MYLIP: variants seen among roughly 807,000 people sequenced by gnomAD.
The protein encoded by MYLIP is myosin regulatory light chain interacting protein.
MYLIP carries 26 observed loss-of-function variants against 45.8 expected under a neutral mutation model. The ratio of observed to expected loss-of-function variants is 0.57; its 90% CI spans 0.42 to 0.79. The LOEUF (loss-of-function observed/expected upper bound fraction) is 0.79. Among genes scored for constraint, MYLIP ranks in the 30% least tolerant of loss-of-function variants. The probability of loss-of-function intolerance (pLI) is 0.00; values close to 1 mark genes in which losing one functional copy is unlikely to be tolerated. For missense variants in MYLIP, 494 were observed against 555.6 expected (o/e 0.89, Z 1.11); for synonymous variants, 213 against 218.1 (o/e 0.98, Z 0.21).
At chr6:16,131,177 T>C (rs1050421719) in intron 2 of MYLIP, among the ~76,000 whole-genome samples, 1 of 152,202 alleles carries the variant, frequency 6.6e-6, no homozygotes, top group Non-Finnish European at 1.5e-5. Context: ...ACAGTTCCTC[T>C]TGGGTTACTT....
chr6:16,163,769 A>G, the MYLIP span: 1 of 152,154 alleles, frequency 6.6e-6, no homozygotes. Context: ...TGTCCATTGA[A>G]AGTTATGTTT....
At chr6:16,157,683 A>G in the MYLIP span, among the ~76,000 whole-genome samples, 1 of 152,234 alleles carries the variant, frequency 6.6e-6, no homozygotes, top group African/African-American at 2.4e-5. Context: ...GGGTTTGGCT[A>G]TGTACATCTC....
rs149696224 is a variant in MYLIP, at chr6:16,130,620, G to A, written c.151G>A (p.Gly51Ser). 4.5e-4 allele frequency: 723 copies of A among 1,614,202 alleles called. 6 individuals carry two copies. In the South Asian group the frequency reaches 5.4e-3, roughly 12 times the overall value. ...YFGLQFTGSKGESLWLNLRNR... is the reference protein window; with the variant it reads ...YFGLQFTGSKSESLWLNLRNR... ...TGGACTGCAGTTTACGGGTAGCAAAGGTGAAAGTTTATGGCTAAACCTGAG... is the reference window on the plus strand; with the variant it reads ...TGGACTGCAGTTTACGGGTAGCAAAAGTGAAAGTTTATGGCTAAACCTGAG... The change falls in exon 2 of 7, where the codon GGT (glycine) becomes AGT (serine). Residue 51 changes from glycine (G) to serine (S), a missense_variant. Transcript: ENST00000356840.
chr6:16,163,589 T>G, the MYLIP span: 1 of 152,280 alleles, frequency 6.6e-6, no homozygotes, highest in African/African-American at 2.4e-5. Flanking sequence ...AATTATCACT[T>G]CCTCATGTGT....
intron 2 of MYLIP, among the ~76,000 whole-genome samples, chr6:16,141,088 G>A (rs1204229778): frequency 6.6e-6 from 1 of 152,192 alleles, no homozygotes; most frequent in Non-Finnish European, 1.5e-5. Flanking sequence ...AAGAATATAT[G>A]GAGTTTGGTT....
At chr6:16,163,246 G>C in the MYLIP span, 1 of 152,164 alleles carries the variant, frequency 6.6e-6, no homozygotes. Context: ...AAAGCATTGT[G>C]ATTAATACAC....
the MYLIP span, among the ~76,000 whole-genome samples, chr6:16,160,308 A>G: frequency 6.6e-6 from 1 of 152,210 alleles, no homozygotes; most frequent in Non-Finnish European, 1.5e-5. Context: ...GATTGCCTGC[A>G]CAACAGCTCT....
chr6:16,159,549 G>A, the MYLIP span, among the ~76,000 whole-genome samples: 1 of 152,120 alleles, frequency 6.6e-6, no homozygotes, highest in Admixed American at 6.5e-5. Context: ...TCTTTGTTAT[G>A]TCCAAGCAGT....
intron 6 of MYLIP, among the ~76,000 whole-genome samples, chr6:16,146,284 G>A (rs1346726904): frequency 6.6e-6 from 1 of 152,176 alleles, no homozygotes; most frequent in African/African-American, 2.4e-5. Context: ...GCTGAGCTAA[G>A]GACACACAAT....
intron 2 of MYLIP, among the ~76,000 whole-genome samples, chr6:16,135,556 C>A (rs1759532305): frequency 6.6e-6 from 1 of 151,964 alleles, no homozygotes; most frequent in Admixed American, 6.6e-5. Context: ...TTCTCAGTGG[C>A]AAGCCCTCCA....
rs193212018 is a variant in MYLIP at position 16,132,600 on chromosome 6, T to C, written c.278+1853T>C. Reference sequence around the variant, plus strand: ...CTTGGTTTCATGGGGTTGGCTGAAATACATAACTGACACTTAAGTTTTAAT... The same window carrying C: ...CTTGGTTTCATGGGGTTGGCTGAAACACATAACTGACACTTAAGTTTTAAT... On this transcript the variant is annotated intron_variant, in intron 2 of 6. Coordinates refer to ENST00000356840, the MANE Select transcript of MYLIP (RefSeq NM_013262.4). Among the ~76,000 whole-genome samples, 229 of 152,330 alleles carry C rather than the reference T, an allele frequency of 1.5e-3. 1 individual carries two copies. The highest frequency in any genetic ancestry group is 5.3e-3 in the African/African-American group (221 of 41,590).
downstream of MYLIP, among the ~76,000 whole-genome samples, chr6:16,152,887 G>A (rs1017907997): frequency 6.6e-6 from 1 of 152,150 alleles, no homozygotes; most frequent in Non-Finnish European, 1.5e-5. Context: ...GGGCAGTTTG[G>A]CATGACTGAA....
At chr6:16,153,675 G>A in the MYLIP span, among the ~76,000 whole-genome samples, 7 of 152,138 alleles carry the variant, frequency 4.6e-5, no homozygotes, top group Admixed American at 3.9e-4. Context: ...CTGCTGATGC[G>A]GGCCAGGAGA....
rs74484260 is a variant in MYLIP at position 16,144,791 on chromosome 6, G to A, written c.828-106G>A. 1.2e-3 allele frequency: 1,616 copies of A among 1,295,982 alleles called. 19 individuals are homozygous for A. In the African/African-American group the frequency reaches 0.02, roughly 16 times the overall value. The allele number at this position is 1,295,982 out of a possible 1,614,324, so 80.3% of individuals were successfully genotyped here. A position where few individuals can be genotyped will look rare whatever the true frequency, so the allele number is the denominator to read the frequency against. The stretch of plus-strand genomic sequence containing the variant: ...AGGACTTACTTTCATACATGCAGAC[G>A]AGACTATGAAACATCTGCTGACATT... On this transcript the variant is annotated intron_variant, in intron 5 of 6. Coordinates refer to ENST00000356840, the MANE Select transcript of MYLIP (RefSeq NM_013262.4).
In MYLIP at chr6:16,130,600, T is replaced by G; in HGVS notation, c.131T>G (p.Leu44Arg). The part of the protein sequence containing the change: ...LGIIEVDYFG[L>R]QFTGSKGESL... Reference sequence around the variant, plus strand: ...ATCATAGAAGTTGACTATTTTGGACTGCAGTTTACGGGTAGCAAAGGTGAA... The same window carrying G: ...ATCATAGAAGTTGACTATTTTGGACGGCAGTTTACGGGTAGCAAAGGTGAA... The change falls in exon 2 of 7, where the codon CTG (leucine) becomes CGG (arginine). Residue 44 changes from leucine to arginine, a missense_variant. Leu to Arg is a moderately radical substitution (Grantham distance 102). Transcript: ENST00000356840. 6.2e-7 allele frequency: 1 copy of G among 1,614,216 alleles called. No homozygotes were observed. Among genetic ancestry groups the G allele is most frequent in the Non-Finnish European group, 8.5e-7 (1 of 1,180,024 alleles).
chr6:16,134,083 T>C (rs1340133444), intron 2 of MYLIP, among the ~76,000 whole-genome samples: 1 of 152,190 alleles, frequency 6.6e-6, no homozygotes, highest in Non-Finnish European at 1.5e-5. Context: ...CAAGACATCA[T>C]GTATCTTTCC....
intron 2 of MYLIP, among the ~76,000 whole-genome samples, chr6:16,131,296 T>A (rs2113508409): frequency 6.6e-6 from 1 of 152,360 alleles, no homozygotes; most frequent in East Asian, 1.9e-4. Flanking sequence ...GAAAATGTAA[T>A]TTCATGAACT....
rs1060901 is a variant in MYLIP at position 16,145,242 on chromosome 6, C to T, written c.1173C>T (p.Cys391=). The T allele has an allele frequency of 0.082, 132,320 of 1,613,460 alleles. 6,079 individuals are homozygous for T. Among genetic ancestry groups the T allele is most frequent in the Non-Finnish European group, 0.095 (112,570 of 1,179,548 alleles). The part of the protein sequence containing the change: ...LKEAMLCMVC[C]EEEINSTFCP... ...AAGCCATGCTGTGCATGGTGTGCTG[C>T]GAGGAGGAGATCAACTCCACCTTCT... Residue 391 remains cysteine (C), a synonymous_variant, in exon 6 of 7, where the codon TGC becomes TGT. Transcript: ENST00000356840.
chr6:16,142,896 T>C, intron 3 of MYLIP, 124 bp from the exon 4 acceptor site: 1 of 961,322 alleles, frequency 1.0e-6, no homozygotes, highest in Non-Finnish European at 1.6e-6. Flanking sequence ...ACATCAGTAA[T>C]ACATAAGTTT....
Sources: allele counts gnomAD v4.1 joint callset (sites outside exome capture counted in the v4.1 genomes callset), GRCh38; gene constraint gnomAD v4.1.1; transcripts MANE v1.5; gene names NCBI Gene and HGNC (gene_info 2026-07-23, HGNC 2026-07-21).